Variants in BET1L observed in about 807,000 individuals in gnomAD.
BET1L encodes the protein BET1-like protein.
Under a neutral mutation model 12.6 loss-of-function variants are expected in BET1L, and 13 were observed. That is an observed-to-expected ratio of 1.03 (90% CI 0.67 to 1.64). The LOEUF is 1.64. Among genes scored for constraint, BET1L ranks in the 40% most tolerant of loss-of-function variants. The pLI, the probability that BET1L is intolerant of heterozygous loss-of-function variation, is 0.00. For missense variants in BET1L, 154 were observed against 150.7 expected (o/e 1.02, Z -0.11); for synonymous variants, 60 against 56.9 (o/e 1.05, Z -0.25).
intron 1 of BET1L, among the ~76,000 whole-genome samples, 187 bp from the exon 2 acceptor site, chr11:206,230 CAT>C (rs768371990): frequency 2.6e-5 from 4 of 152,204 alleles, no homozygotes; most frequent in African/African-American, 9.7e-5. Flanking sequence ...CATGTGAACA[CAT>C]GTCCTGTGTA....
chr11:207,361 G>GCCACAGCCGCCTCAGACGTGT lies in BET1L; in HGVS notation c.-41_-40insACACGTCTGAGGCGGCTGTGG. On this transcript the variant is annotated 5_prime_UTR_variant, in exon 1 of 4. Transcript: ENST00000382762. ...GCTCCTCGACGCGGACACCGACGCG[G>GCCACAGCCGCCTCAGACGTGT]CCACAGCCGCCTCAGACGTGGCGCA... 1.3e-6 allele frequency: 2 copies of GCCACAGCCGCCTCAGACGTGT among 1,545,004 alleles called. No individual in the cohort carries two copies. The highest frequency in any genetic ancestry group is 1.7e-6 in the Non-Finnish European group (2 of 1,153,610).
In BET1L at chr11:207,383, C is replaced by CCACAGCCGCCTCAGACGTG. The variant is rs11274545; in HGVS notation, c.-63_-62insCACGTCTGAGGCGGCTGTG. 138 of 1,494,062 alleles carry CCACAGCCGCCTCAGACGTG rather than the reference C, an allele frequency of 9.2e-5. 6 individuals are homozygous for CCACAGCCGCCTCAGACGTG. The highest frequency in any genetic ancestry group is 2.8e-4 in the Admixed American group (13 of 45,746). 92.6% of individuals were successfully genotyped at this position (1,494,062 alleles called of 1,614,324 possible). ...GCGGCCACAGCCGCCTCAGACGTGG[C>CCACAGCCGCCTCAGACGTG]GCAGTCGCGGGGAAAGAGCTTCCGG... On this transcript the variant is annotated 5_prime_UTR_variant, in exon 1 of 4. Transcript: ENST00000382762.
Position 207,356 on chromosome 11 carries a change from A to AAGCGGCCACAGC in BET1L, c.-36_-35insGCTGTGGCCGCT. 6.5e-7 allele frequency: 1 copy of AAGCGGCCACAGC among 1,547,840 alleles called. No homozygotes were observed. The highest frequency in any genetic ancestry group is 8.7e-7 in the Non-Finnish European group (1 of 1,154,822). On this transcript the variant is annotated 5_prime_UTR_variant, in exon 1 of 4. Transcript: ENST00000382762. The stretch of plus-strand genomic sequence containing the variant: ...CCCCGGCTCCTCGACGCGGACACCG[A>AAGCGGCCACAGC]CGCGGCCACAGCCGCCTCAGACGTG...
At position 204,062 on chromosome 11, in the gene BET1L, T is replaced by C. The variant is rs2280544; in HGVS notation, c.*1240A>G. On this transcript the variant is annotated 3_prime_UTR_variant, in exon 4 of 4. Transcript: ENST00000382762. ...GAGGCAGTTCTGGATTGACAGGACATATGGTGTGGCCACACAGGTGGGGGG... is the reference window on the plus strand; with the variant it reads ...GAGGCAGTTCTGGATTGACAGGACACATGGTGTGGCCACACAGGTGGGGGG... 105,277 of 152,726 alleles carry C rather than the reference T, an allele frequency of 0.69. 37,660 individuals carry two copies. Among genetic ancestry groups the C allele is most frequent in the East Asian group, 0.86 (4,445 of 5,182 alleles). 9.5% of individuals were successfully genotyped at this position (152,726 alleles called of 1,614,324 possible). A position where few individuals can be genotyped will look rare whatever the true frequency, so the allele number is the denominator to read the frequency against.
rs544143830 is a variant in BET1L, at chr11:204,306, T to G, written c.*996A>C. The G allele has an allele frequency of 2.0e-5, 3 of 151,268 alleles. No individual in the cohort carries two copies. Among genetic ancestry groups the G allele is most frequent in the African/African-American group, 7.3e-5 (3 of 41,122 alleles). 9.4% of individuals were successfully genotyped at this position (151,268 alleles called of 1,614,324 possible). A position where few individuals can be genotyped will look rare whatever the true frequency, so the allele number is the denominator to read the frequency against. On this transcript the variant is annotated 3_prime_UTR_variant, in exon 4 of 4. Transcript: ENST00000382762. ...TGGACAGGGAAGGCCCAGGGAGAGG[T>G]GGGTAGGGAGGGCATCCTGCAGAGG...
Position 203,626 on chromosome 11 carries a change from C to G in BET1L, c.*1676G>C, listed in dbSNP as rs1228647495. The G allele has an allele frequency of 6.6e-6, 1 of 152,590 alleles. No individual in the cohort carries two copies. The highest frequency in any genetic ancestry group is 6.5e-5 in the Admixed American group (1 of 15,290). The allele number at this position is 152,590 out of a possible 1,614,324, so 9.5% of individuals were successfully genotyped here. On this transcript the variant is annotated 3_prime_UTR_variant, in exon 4 of 4. Coordinates refer to ENST00000382762, the MANE Select transcript of BET1L (RefSeq NM_001098787.2). Reference sequence around the variant, plus strand: ...TGCTTGGTGACCAGGGTACAAGCCCCTGATGAGCTTGCCATGGCAGCCAAG... The same window carrying G: ...TGCTTGGTGACCAGGGTACAAGCCCGTGATGAGCTTGCCATGGCAGCCAAG...
In BET1L at chr11:203,549, G is replaced by C. The variant is rs1855082061; in HGVS notation, c.*1753C>G. The C allele has an allele frequency of 6.6e-6, 1 of 152,594 alleles. No individual in the cohort carries two copies. The allele number at this position is 152,594 out of a possible 1,614,324, so 9.5% of individuals were successfully genotyped here. On this transcript the variant is annotated 3_prime_UTR_variant, in exon 4 of 4. Transcript: ENST00000382762. The stretch of plus-strand genomic sequence containing the variant: ...GCCCAGGAAAACATGGGGGATGAAG[G>C]GTTGGCACCTGCAGTGACCAGATGG...
chr11:206,978 G>A (rs896298366), intron 1 of BET1L: 6 of 420,672 alleles, frequency 1.4e-5, no homozygotes, highest in Non-Finnish European at 2.1e-5. Context: ...CCTGGCCTCG[G>A]GACCTGTCGA....
chr11:207,091 G>C, intron 1 of BET1L: 1 of 580,662 alleles, frequency 1.7e-6, no homozygotes, highest in Non-Finnish European at 2.8e-6. Context: ...TGGAGCTGCT[G>C]GGCCGCCACG....
In BET1L at chr11:205,975, A is replaced by G; in HGVS notation, c.88T>C (p.Ser30Pro). The change falls in exon 2 of 4, where the codon TCC (serine) becomes CCC (proline). Residue 30 changes from serine to proline, a missense_variant. By Grantham distance (74) the Ser-to-Pro change is moderately conservative (BLOSUM62 -1). Coordinates refer to ENST00000382762, the MANE Select transcript of BET1L (RefSeq NM_001098787.2). The stretch of plus-strand genomic sequence containing the variant: ...ACCGATTTGAGCCTGGTGACTTTGG[A>G]GGCCAGGCTGTCAGCCATTCGCTTG... ...ENKRMADSLA[S>P]KVTRLKSLAL... 1.9e-6 allele frequency: 3 copies of G among 1,614,096 alleles called. No individual in the cohort carries two copies. The highest frequency in any genetic ancestry group is 2.5e-6 in the Non-Finnish European group (3 of 1,180,014).
chr11:207,298 C>G lies in BET1L; in HGVS notation c.19+5G>C. 2 of 1,544,688 alleles carry G rather than the reference C, an allele frequency of 1.3e-6. No homozygotes were observed. Among genetic ancestry groups the G allele is most frequent in the Non-Finnish European group, 1.7e-6 (2 of 1,153,352 alleles). On this transcript the variant is annotated splice_donor_5th_base_variant and intron_variant, in intron 1 of 3. Coordinates refer to ENST00000382762, the MANE Select transcript of BET1L (RefSeq NM_001098787.2). Reference sequence around the variant, plus strand: ...CCCCCAACGGCTCCGCTCTCCCGCGCTCACCCCGAGCCCAGTCCGCCATCG... The same window carrying G: ...CCCCCAACGGCTCCGCTCTCCCGCGGTCACCCCGAGCCCAGTCCGCCATCG...
rs555915905 is a variant in BET1L at position 205,022 on chromosome 11, G to A, written c.*280C>T. On this transcript the variant is annotated 3_prime_UTR_variant, in exon 4 of 4. Transcript: ENST00000382762. ...GCTCAGACCTGGCTTCTCCAGACACGCTGTGGCCCCAGCTCTGCCTGGCTC... is the reference window on the plus strand; with the variant it reads ...GCTCAGACCTGGCTTCTCCAGACACACTGTGGCCCCAGCTCTGCCTGGCTC... 17 of 424,224 alleles carry A rather than the reference G, an allele frequency of 4.0e-5. No homozygotes were observed. Among genetic ancestry groups the A allele is most frequent in the Middle Eastern group, 1.4e-3 (2 of 1,428 alleles). The allele number at this position is 424,224 out of a possible 1,614,324, so 26.3% of individuals were successfully genotyped here. A position where few individuals can be genotyped will look rare whatever the true frequency, so the allele number is the denominator to read the frequency against.
chr11:205,629 G>A lies in BET1L; in HGVS notation c.150C>T (p.Asn50=). Residue 50 remains asparagine, a synonymous_variant, in exon 3 of 4, where the codon AAC becomes AAT. Transcript: ENST00000382762. ...CCCTTACCATGCCATCCAGGTACCG[G>A]TTCTGATCCTCTGCATCCCTATCGA... ...LDIDRDAEDQ[N]RYLDGMDSDF... The A allele has an allele frequency of 6.2e-7, 1 of 1,613,442 alleles. No individual in the cohort carries two copies. The highest frequency in any genetic ancestry group is 8.5e-7 in the Non-Finnish European group (1 of 1,179,758).
intron 1 of BET1L, 36 bp from the exon 2 acceptor site, chr11:206,079 C>G (rs202160446): frequency 3.2e-6 from 5 of 1,585,550 alleles, no homozygotes; most frequent in Non-Finnish European, 4.3e-6. Context: ...TTGCATCCAT[C>G]GGTGAGCACG....
In BET1L at chr11:207,053, G is replaced by A. The variant is rs1855183933; in HGVS notation, c.19+250C>T. 22 of 521,180 alleles carry A rather than the reference G, an allele frequency of 4.2e-5. No individual in the cohort carries two copies. The South Asian group carries it at 5.7e-4, about 13-fold the overall frequency. 32.3% of individuals were successfully genotyped at this position (521,180 alleles called of 1,614,324 possible). A position where few individuals can be genotyped will look rare whatever the true frequency, so the allele number is the denominator to read the frequency against. On this transcript the variant is annotated intron_variant, in intron 1 of 3. Transcript: ENST00000382762. ...CTCACAGGGGGCGGCGGGGAGTGGG[G>A]AGACCCCGCTGCTGCGCGACCCCTC...
chr11:206,093 CCT>C (rs1590070618), intron 1 of BET1L, 50 bp from the exon 2 acceptor site: 1 of 1,525,918 alleles, frequency 6.6e-7, no homozygotes, highest in Non-Finnish European at 9.0e-7. Flanking sequence ...GAGCACGGCC[CCT>C]GACCCCTCTC....
In BET1L at chr11:205,767, G is replaced by A. The variant is rs1293101024; in HGVS notation, c.112-100C>T. 1.7e-5 allele frequency: 26 copies of A among 1,510,472 alleles called. No homozygotes were observed. In the Admixed American group the frequency reaches 2.9e-4, roughly 17 times the overall value. 93.6% of individuals were successfully genotyped at this position (1,510,472 alleles called of 1,614,324 possible). On this transcript the variant is annotated intron_variant, in intron 2 of 3. Coordinates refer to ENST00000382762, the MANE Select transcript of BET1L (RefSeq NM_001098787.2). ...ATAAACCCTGCCAACAACTCTGCCA[G>A]ACACAGTGGGGCTGCAGCAGACAGA...
intron 1 of BET1L, chr11:207,097 C>T (rs1288007265): frequency 2.0e-5 from 12 of 614,870 alleles, no homozygotes; most frequent in Admixed American, 1.2e-4. Context: ...TGCTGGGCCG[C>T]CACGCGCGCC....
In BET1L at chr11:205,021, C is replaced by G. The variant is rs72878027; in HGVS notation, c.*281G>C. On this transcript the variant is annotated 3_prime_UTR_variant, in exon 4 of 4. Transcript: ENST00000382762. ...TGCTCAGACCTGGCTTCTCCAGACA[C>G]GCTGTGGCCCCAGCTCTGCCTGGCT... 0.17 allele frequency: 74,369 copies of G among 428,376 alleles called. 7,920 individuals are homozygous for G. Among genetic ancestry groups the G allele is most frequent in the Non-Finnish European group, 0.22 (50,655 of 230,586 alleles). 26.5% of individuals were successfully genotyped at this position (428,376 alleles called of 1,614,324 possible).
Sources: allele counts gnomAD v4.1 joint callset (sites outside exome capture counted in the v4.1 genomes callset), GRCh38; gene constraint gnomAD v4.1.1; transcripts MANE v1.5; gene names NCBI Gene and HGNC (gene_info 2026-07-23, HGNC 2026-07-21).